The following ADD3 variants were observed in gnomAD, a reference collection of about 807,000 sequenced individuals.
The protein encoded by ADD3 is adducin 3.
ADD3 carries 25 observed loss-of-function variants against 80.2 expected under a neutral mutation model. That is an observed-to-expected ratio of 0.31 (90% CI 0.23 to 0.44). ADD3 has a LOEUF of 0.44. ADD3 is among the 20% of genes least tolerant of loss of function. ADD3 has a pLI of 1.00. For missense variants in ADD3, 829 were observed against 847.5 expected, an observed-to-expected ratio of 0.98 and a Z score of 0.27; for synonymous variants, 284 against 289.6, an observed-to-expected ratio of 0.98 and a Z score of 0.20.
chr10:110,059,912 G>A (rs957010090), intron 1 of ADD3, among the ~76,000 whole-genome samples: 1 of 152,166 alleles, frequency 6.6e-6, no homozygotes, highest in East Asian at 1.9e-4. Context: ...TTTTATTTAG[G>A]GACATCATGA....
At position 110,013,951 on chromosome 10, in the gene ADD3, T is replaced by C. The variant is rs184323508; in HGVS notation, c.-30+5652T>C. Among the ~76,000 whole-genome samples, 8 of 152,372 alleles carry C rather than the reference T, an allele frequency of 5.3e-5. No individual in the cohort carries two copies. The East Asian group carries it at 1.3e-3, about 26-fold the overall frequency. ...TCTTTGTCACCATTAGCAGTGTTTC[T>C]GTGCAGTTCTTCCACAATGGCTCAG... is the stretch of plus-strand genomic sequence containing the variant. On this transcript the variant is annotated intron_variant, in intron 1 of 14. Transcript: ENST00000356080.
chr10:110,131,152 T>C (rs950387172), intron 13 of ADD3, among the ~76,000 whole-genome samples: 3 of 152,252 alleles, frequency 2.0e-5, no homozygotes, highest in East Asian at 1.9e-4. Context: ...AATTTTGATG[T>C]GACTTTCCTT....
chr10:110,055,935 G>A (rs1011177575), intron 1 of ADD3, among the ~76,000 whole-genome samples: 7 of 152,176 alleles, frequency 4.6e-5, no homozygotes, highest in Non-Finnish European at 1.0e-4. Flanking sequence ...GAATAAGACA[G>A]TAACGGTCAA....
intron 1 of ADD3, among the ~76,000 whole-genome samples, chr10:110,071,187 G>T (rs1844660475): frequency 6.6e-6 from 1 of 152,126 alleles, no homozygotes; most frequent in African/African-American, 2.4e-5. Context: ...GTAAAATGAT[G>T]TCTCATAGTT....
At chr10:110,122,351 G>A in intron 9 of ADD3, 59 bp downstream of exon 9, 1 of 1,496,928 alleles carries the variant, frequency 6.7e-7, no homozygotes. Flanking sequence ...AAGAGCAGAT[G>A]CTTCCATTTT....
chr10:110,088,049 C>A (rs1226829648), intron 1 of ADD3, among the ~76,000 whole-genome samples: 1 of 152,086 alleles, frequency 6.6e-6, no homozygotes, highest in Admixed American at 6.5e-5. Flanking sequence ...TTTTTTCTTC[C>A]TTTGTGTCTT....
chr10:110,077,619 C>G (rs1182567478), intron 1 of ADD3, among the ~76,000 whole-genome samples: 1 of 152,140 alleles, frequency 6.6e-6, no homozygotes, highest in African/African-American at 2.4e-5. Flanking sequence ...GGGTATTTGT[C>G]AGAAGAGTTG....
chr10:110,026,989 T>C (rs7906866), intron 1 of ADD3, among the ~76,000 whole-genome samples: 12,481 of 152,240 alleles, frequency 0.082, 1,645 homozygotes, highest in African/African-American at 0.28. Flanking sequence ...AACTATACCT[T>C]TTCTAGTCTT....
At chr10:110,045,046 C>G (rs1172319101) in intron 1 of ADD3, among the ~76,000 whole-genome samples, 1 of 152,134 alleles carries the variant, frequency 6.6e-6, no homozygotes, top group Non-Finnish European at 1.5e-5. Context: ...TTTTCCGAAA[C>G]ACTGGGTAGT....
chr10:110,061,281 AG>A (rs1258130154), intron 1 of ADD3, among the ~76,000 whole-genome samples: 1 of 152,198 alleles, frequency 6.6e-6, no homozygotes, highest in Non-Finnish European at 1.5e-5. Context: ...TGTAGTAGAG[AG>A]GGACTTATGG....
chr10:110,008,416 G>A (rs1220447762), intron 1 of ADD3, 117 bp downstream of exon 1: 1 of 152,678 alleles, frequency 6.5e-6, no homozygotes, highest in Non-Finnish European at 1.5e-5. Flanking sequence ...GGGGTAGGGA[G>A]CGGCGGCTGG....
At chr10:110,088,562 G>C (rs996164394) in intron 1 of ADD3, among the ~76,000 whole-genome samples, 1 of 152,162 alleles carries the variant, frequency 6.6e-6, no homozygotes, top group South Asian at 2.1e-4. Context: ...AGCCAAAATC[G>C]GAAGGCAGAA....
chr10:110,006,264 T>C (rs761306213), upstream of ADD3: 2 of 152,598 alleles, frequency 1.3e-5, no homozygotes, highest in Non-Finnish European at 2.9e-5. Flanking sequence ...TGTCTTCCTT[T>C]GGTGGTGGTG....
At chr10:110,116,457 A>G (rs1565009561) in intron 4 of ADD3, 47 bp downstream of exon 4, 1 of 1,596,022 alleles carries the variant, frequency 6.3e-7, no homozygotes, top group Non-Finnish European at 8.6e-7. Flanking sequence ...TTCCAGCTAG[A>G]AGGCAACTAT....
intron 1 of ADD3, among the ~76,000 whole-genome samples, chr10:110,081,101 G>C (rs569392494): frequency 2.0e-5 from 3 of 151,214 alleles, no homozygotes; most frequent in Non-Finnish European, 3.0e-5. Context: ...AATAAGGTAG[G>C]AGAGAGAGTT....
At chr10:110,015,799 C>G (rs1764619478) in intron 1 of ADD3, among the ~76,000 whole-genome samples, 1 of 152,116 alleles carries the variant, frequency 6.6e-6, no homozygotes, top group African/African-American at 2.4e-5. Flanking sequence ...TTTCTCTAAG[C>G]ACTTTGCCAT....
chr10:110,009,521 C>T (rs1852076652), intron 1 of ADD3, among the ~76,000 whole-genome samples: 1 of 151,924 alleles, frequency 6.6e-6, no homozygotes, highest in South Asian at 2.1e-4. Context: ...TGGGACCAAC[C>T]CATTTATAGG....
At chr10:110,025,129 C>T (rs1854131640) in intron 1 of ADD3, among the ~76,000 whole-genome samples, 1 of 151,962 alleles carries the variant, frequency 6.6e-6, no homozygotes, top group African/African-American at 2.4e-5. Context: ...CTCCTGGCCT[C>T]AAGTGATCCA....
In ADD3 at chr10:110,124,077, A is replaced by C. The variant is rs767757145; in HGVS notation, c.1204A>C (p.Ser402Arg). 6.2e-7 allele frequency: 1 copy of C among 1,614,162 alleles called. No individual in the cohort carries two copies. Among genetic ancestry groups the C allele is most frequent in the South Asian group, 1.1e-5 (1 of 91,086 alleles). ...PLIREKPRHK[S>R]DVEIPATVTA... The stretch of plus-strand genomic sequence containing the variant: ...CATTCGAGAGAAGCCTAGGCACAAG[A>C]GTGATGTGGAAATCCCAGCAACTGT... The change falls in exon 10 of 15, where the codon AGT becomes CGT. Residue 402 changes from serine to arginine, a missense_variant. Transcript: ENST00000356080.
Sources: allele counts gnomAD v4.1 joint callset (sites outside exome capture counted in the v4.1 genomes callset), GRCh38; gene constraint gnomAD v4.1.1; transcripts MANE v1.5; gene names NCBI Gene and HGNC (gene_info 2026-07-23, HGNC 2026-07-21).